The following EML5 variants were observed in gnomAD, a reference collection of about 807,000 sequenced individuals.
The protein encoded by EML5 is echinoderm microtubule-associated protein-like 5.
EML5 carries 120 observed loss-of-function variants against 250.0 expected under a neutral mutation model. That is an observed-to-expected ratio of 0.48 (90% CI 0.41 to 0.56). The LOEUF is 0.56. Among genes scored for constraint, EML5 ranks in the 20% least tolerant of loss-of-function variants. EML5 has a pLI of 0.00. For missense variants in EML5, 2,006 were observed against 2,437.6 expected (o/e 0.82, Z 3.73); for synonymous variants, 771 against 806.5 (o/e 0.96, Z 0.75).
At chr14:88,660,296 A>G (rs981929574) in intron 25 of EML5, among the ~76,000 whole-genome samples, 4 of 151,926 alleles carry the variant, frequency 2.6e-5, no homozygotes, top group Admixed American at 1.3e-4. Flanking sequence ...AAAAAAAAAA[A>G]AAGAAAGGAA....
intron 8 of EML5, among the ~76,000 whole-genome samples, chr14:88,721,933 C>T (rs1424695604): frequency 3.9e-5 from 6 of 152,042 alleles, no homozygotes. Flanking sequence ...AAAAAACAAC[C>T]CCATTAAAAA....
At chr14:88,719,916 G>A (rs1171846018) in intron 8 of EML5, among the ~76,000 whole-genome samples, 1 of 150,854 alleles carries the variant, frequency 6.6e-6, no homozygotes, top group Non-Finnish European at 1.5e-5. Context: ...AGAAAAGAGG[G>A]AAGAATCAAA....
Position 88,620,838 on chromosome 14 carries a change from T to C in EML5, c.5291A>G (p.Asn1764Ser). 3.1e-6 allele frequency: 5 copies of C among 1,600,556 alleles called. No homozygotes were observed. Among genetic ancestry groups the C allele is most frequent in the Non-Finnish European group, 4.3e-6 (5 of 1,172,922 alleles). The change falls in exon 39 of 44, where the codon AAT becomes AGT. Residue 1764 changes from asparagine (N) to serine (S), a missense_variant. Coordinates refer to ENST00000554922, the MANE Select transcript of EML5 (RefSeq NM_183387.3). This position sits in a 1 kb window ranked among gnomAD's most constrained non-coding sequence, Gnocchi z 4.3. ...EGDMVAIGMKNGEFIILLVSS... is the reference protein window; with the variant it reads ...EGDMVAIGMKSGEFIILLVSS... The stretch of plus-strand genomic sequence containing the variant: ...CACTAGTAAAATGATAAATTCTCCA[T>C]TTTTCATTCCAATAGCCACCATGTC...
At chr14:88,776,897 AAAC>A (rs2094452360) in intron 1 of EML5, among the ~76,000 whole-genome samples, 1 of 152,132 alleles carries the variant, frequency 6.6e-6, no homozygotes, top group Non-Finnish European at 1.5e-5. Flanking sequence ...GAAAAAACAG[AAAC>A]AACAACCAAA....
At chr14:88,739,203 G>A (rs2093889309) in intron 5 of EML5, among the ~76,000 whole-genome samples, 189 bp from the exon 6 acceptor site, 1 of 152,136 alleles carries the variant, frequency 6.6e-6, no homozygotes, top group South Asian at 2.1e-4. Context: ...GCCCCTTGTG[G>A]ATTTGAACTT....
intron 14 of EML5, among the ~76,000 whole-genome samples, chr14:88,699,144 T>C (rs2093149556): frequency 6.6e-6 from 1 of 152,106 alleles, no homozygotes; most frequent in Non-Finnish European, 1.5e-5. Flanking sequence ...TCAGATAGGC[T>C]TAGCCTAAGT....
intron 7 of EML5, among the ~76,000 whole-genome samples, chr14:88,735,304 T>C (rs1429125278): frequency 6.6e-6 from 1 of 152,140 alleles, no homozygotes; most frequent in Non-Finnish European, 1.5e-5. Flanking sequence ...AGAACCACTA[T>C]CACAGACAAG....
intron 14 of EML5, among the ~76,000 whole-genome samples, chr14:88,700,697 CA>C (rs934582467): frequency 6.6e-6 from 1 of 152,082 alleles, no homozygotes; most frequent in African/African-American, 2.4e-5. Context: ...CAAATACCCA[CA>C]AAAACAAACA....
At chr14:88,686,847 A>T (rs2092844449) in intron 19 of EML5, among the ~76,000 whole-genome samples, 1 of 152,198 alleles carries the variant, frequency 6.6e-6, no homozygotes, top group South Asian at 2.1e-4. Context: ...AAGGGAAAAA[A>T]GGCCTGTGAG....
chr14:88,766,206 C>A (rs2094317864), intron 1 of EML5, among the ~76,000 whole-genome samples: 2 of 152,018 alleles, frequency 1.3e-5, no homozygotes, highest in Admixed American at 1.3e-4. Flanking sequence ...AATCTGGGCA[C>A]CTTGAAAAAA....
intron 21 of EML5, 85 bp from the exon 22 acceptor site, chr14:88,665,574 C>G: frequency 6.4e-7 from 1 of 1,562,010 alleles, no homozygotes; most frequent in Non-Finnish European, 8.7e-7. Context: ...TGCCTATAAT[C>G]CAAGCACTCT....
intron 1 of EML5, among the ~76,000 whole-genome samples, chr14:88,788,987 C>T (rs917680394): frequency 6.6e-6 from 1 of 150,770 alleles, no homozygotes; most frequent in Non-Finnish European, 1.5e-5. Context: ...CACCTGAGCC[C>T]AAGATTTCAA....
chr14:88,777,366 C>A (rs992910974), intron 1 of EML5, among the ~76,000 whole-genome samples: 1 of 152,056 alleles, frequency 6.6e-6, no homozygotes, highest in African/African-American at 2.4e-5. Context: ...GAAGGAGAAA[C>A]AAAGACTTTC....
chr14:88,616,018 G>A (rs2087551822), intron 43 of EML5, 124 bp downstream of exon 43: 17 of 1,285,352 alleles, frequency 1.3e-5, no homozygotes, highest in Admixed American at 3.8e-5. Flanking sequence ...AGAGCCATCT[G>A]GTTATACTAC....
chr14:88,687,419 G>A (rs2092858391), intron 18 of EML5, 92 bp from the exon 19 acceptor site: 2 of 872,612 alleles, frequency 2.3e-6, no homozygotes, highest in African/African-American at 3.5e-5. Context: ...CTAGAAAAAA[G>A]AACATAGTCA....
In EML5 at chr14:88,792,761, G is replaced by T; in HGVS notation, c.-258C>A. 9.6e-7 allele frequency: 1 copy of T among 1,044,802 alleles called. No individual in the cohort carries two copies. The highest frequency in any genetic ancestry group is 1.2e-6 in the Non-Finnish European group (1 of 868,778). 64.7% of individuals were successfully genotyped at this position (1,044,802 alleles called of 1,614,324 possible). On this transcript the variant is annotated 5_prime_UTR_variant, in exon 1 of 44. Transcript: ENST00000554922. The surrounding 1 kb of genome is among the most constrained non-coding windows in gnomAD (Gnocchi z 6.9). ...GTCAAGTGGATGCCCAGAGCCCTTC[G>T]CCCGCCTCGGCTCGCCTAGTCTCCT...
chr14:88,673,246 A>T (rs1169034231), intron 21 of EML5, among the ~76,000 whole-genome samples: 2 of 152,220 alleles, frequency 1.3e-5, no homozygotes, highest in African/African-American at 4.8e-5. Context: ...ACAAATCAAT[A>T]AACATAATTC....
intron 36 of EML5, chr14:88,623,246 A>G (rs2089370948): frequency 6.6e-6 from 1 of 151,926 alleles, no homozygotes; most frequent in African/African-American, 2.4e-5. Context: ...AAATACCTTG[A>G]CCTCAGGTGA....
intron 1 of EML5, among the ~76,000 whole-genome samples, chr14:88,769,970 T>TA (rs1342635923): frequency 6.6e-6 from 1 of 151,848 alleles, no homozygotes; most frequent in African/African-American, 2.4e-5. Context: ...TGTGCAGTTT[T>TA]TTTTTTTTTT....
Sources: allele counts gnomAD v4.1 joint callset (sites outside exome capture counted in the v4.1 genomes callset), GRCh38; gene constraint gnomAD v4.1.1; non-coding constraint Gnocchi (gnomAD v3.1); transcripts MANE v1.5; gene names NCBI Gene and HGNC (gene_info 2026-07-23, HGNC 2026-07-21).